The following CAMTA1 variants were observed in gnomAD, a reference collection of about 807,000 sequenced individuals.
The protein encoded by CAMTA1 is calmodulin binding transcription activator 1.
CAMTA1 carries 27 observed loss-of-function variants against 170.9 expected under a neutral mutation model. That is an observed-to-expected ratio of 0.16 (90% confidence interval 0.12 to 0.22). The LOEUF (loss-of-function observed/expected upper bound fraction) is 0.22. Ranked by LOEUF, CAMTA1 falls within the 10% of genes least tolerant of loss-of-function variation. The pLI, the probability that CAMTA1 is intolerant of heterozygous loss-of-function variation, is 1.00. For missense variants in CAMTA1, 1,619 were observed against 2,217.2 expected, an observed-to-expected ratio of 0.73 and a Z score of 5.42; for synonymous variants, 833 against 891.5, an observed-to-expected ratio of 0.93 and a Z score of 1.17.
intron 4 of CAMTA1, among the ~76,000 whole-genome samples, chr1:7,134,152 T>G (rs1257648268): frequency 6.6e-6 from 1 of 152,232 alleles, no homozygotes; most frequent in African/African-American, 2.4e-5. Context: ...CATATGGGAT[T>G]TGGTTTTCTG....
intron 3 of CAMTA1, among the ~76,000 whole-genome samples, chr1:6,857,877 C>T (rs565572497): frequency 1.4e-4 from 21 of 152,128 alleles, no homozygotes; most frequent in South Asian, 8.3e-4. Context: ...TGAGGTGGGA[C>T]GGCCAGAAGG....
chr1:7,701,681 A>G (rs2096441706), intron 11 of CAMTA1, among the ~76,000 whole-genome samples: 1 of 152,068 alleles, frequency 6.6e-6, no homozygotes. Flanking sequence ...CAGCCTCCTA[A>G]AAGTACTGGG....
intron 6 of CAMTA1, among the ~76,000 whole-genome samples, chr1:7,472,436 T>G (rs2149571436): frequency 6.6e-6 from 1 of 152,186 alleles, no homozygotes; most frequent in Non-Finnish European, 1.5e-5. Context: ...GGCTGGGCAG[T>G]GAGCCTCCAC....
chr1:7,495,158 A>G (rs1280404198), intron 6 of CAMTA1, among the ~76,000 whole-genome samples: 1 of 152,232 alleles, frequency 6.6e-6, no homozygotes, highest in African/African-American at 2.4e-5. Flanking sequence ...TAAATAATTA[A>G]GAAACCTAAT....
At chr1:6,827,936 CCACTGAAGGGGCTCA>C (rs1001505208) in intron 3 of CAMTA1, among the ~76,000 whole-genome samples, 3 of 152,130 alleles carry the variant, frequency 2.0e-5, no homozygotes, top group Non-Finnish European at 4.4e-5. Context: ...TTCTTAGATC[CCACTGAAGGGGCTCA>C]CACTGGAAGA....
intron 11 of CAMTA1, among the ~76,000 whole-genome samples, chr1:7,710,632 G>A (rs992426148): frequency 2.4e-4 from 35 of 146,148 alleles, no homozygotes; most frequent in African/African-American, 8.8e-4. Context: ...AGAATTTATT[G>A]ACTCTTAGGA....
chr1:7,516,247 A>G (rs1479893958), intron 6 of CAMTA1, among the ~76,000 whole-genome samples: 1 of 152,282 alleles, frequency 6.6e-6, no homozygotes, highest in Non-Finnish European at 1.5e-5. Context: ...ATGTGTCCAC[A>G]GCTAATTATT....
intron 4 of CAMTA1, among the ~76,000 whole-genome samples, chr1:7,132,109 T>G (rs936141263): frequency 1.3e-5 from 2 of 152,116 alleles, no homozygotes; most frequent in African/African-American, 4.8e-5. Flanking sequence ...TTCACAATTA[T>G]TTTGGCTTTT....
rs1406292124 is a variant in CAMTA1 at position 6,860,195 on chromosome 1, C to A, written c.234+34985C>A. 6.6e-5 allele frequency among the ~76,000 whole-genome samples: 10 copies of A among 152,300 alleles called. 1 individual carries two copies. The East Asian group carries it at 1.2e-3, about 18-fold the overall frequency. On this transcript the variant is annotated intron_variant, in intron 3 of 22. Coordinates refer to ENST00000303635, the MANE Select transcript of CAMTA1 (RefSeq NM_015215.4). ...CCTCATGCCAATCCTATGAGTCATG[C>A]TCCCAAACTCTGAATCTTTTTGGCC...
chr1:7,023,049 G>A (rs997072062), intron 3 of CAMTA1, among the ~76,000 whole-genome samples: 1 of 152,168 alleles, frequency 6.6e-6, no homozygotes, highest in Non-Finnish European at 1.5e-5. Context: ...GGAACAAGAA[G>A]GGACTGTCTT....
intron 3 of CAMTA1, among the ~76,000 whole-genome samples, chr1:6,905,173 C>A (rs1678125362): frequency 6.7e-6 from 1 of 149,142 alleles, no homozygotes; most frequent in African/African-American, 2.5e-5. Context: ...ATTCCTGGGT[C>A]TCCTTGCCTT....
At chr1:7,196,790 G>A (rs1655604650) in intron 4 of CAMTA1, among the ~76,000 whole-genome samples, 1 of 152,300 alleles carries the variant, frequency 6.6e-6, no homozygotes, top group East Asian at 1.9e-4. Flanking sequence ...GAAGTCCATA[G>A]CATGTCATTA....
intron 7 of CAMTA1, among the ~76,000 whole-genome samples, chr1:7,657,711 T>C (rs1312057296): frequency 6.6e-6 from 1 of 152,176 alleles, no homozygotes; most frequent in Non-Finnish European, 1.5e-5. Context: ...TTGATACTAT[T>C]TGATATTCAG....
intron 6 of CAMTA1, among the ~76,000 whole-genome samples, chr1:7,552,730 C>T (rs1331153847): frequency 1.3e-5 from 2 of 152,226 alleles, no homozygotes; most frequent in African/African-American, 2.4e-5. Context: ...CGCCCAGTTC[C>T]GCAATGGTGC....
At chr1:6,791,136 G>A (rs180744328) in intron 1 of CAMTA1, among the ~76,000 whole-genome samples, 1 of 114,670 alleles carries the variant, frequency 8.7e-6, no homozygotes, top group Non-Finnish European at 1.8e-5. Flanking sequence ...TTTTTTAAAT[G>A]TTCTAGGTGA....
chr1:7,282,183 G>A (rs1671615361), intron 5 of CAMTA1, among the ~76,000 whole-genome samples: 1 of 152,158 alleles, frequency 6.6e-6, no homozygotes, highest in African/African-American at 2.4e-5. Context: ...GTACACTAGA[G>A]AGGAACTCCA....
chr1:7,329,138 A>T (rs1446499752), intron 5 of CAMTA1, among the ~76,000 whole-genome samples: 2 of 152,102 alleles, frequency 1.3e-5, no homozygotes, highest in Non-Finnish European at 2.9e-5. Flanking sequence ...TCTTCACTTT[A>T]CTGTAGGTCA....
intron 5 of CAMTA1, among the ~76,000 whole-genome samples, chr1:7,259,904 CACTGCTA>C (rs1183942468): frequency 6.6e-6 from 1 of 152,216 alleles, no homozygotes; most frequent in Non-Finnish European, 1.5e-5. Flanking sequence ...CCTGTCTGTT[CACTGCTA>C]TAGCCCAGTG....
intron 3 of CAMTA1, among the ~76,000 whole-genome samples, chr1:7,077,039 T>C (rs1639386048): frequency 6.6e-6 from 1 of 152,182 alleles, no homozygotes; most frequent in South Asian, 2.1e-4. Flanking sequence ...CCAAACACCT[T>C]TCATCTATTA....
Sources: allele counts gnomAD v4.1 joint callset (sites outside exome capture counted in the v4.1 genomes callset), GRCh38; gene constraint gnomAD v4.1.1; transcripts MANE v1.5; gene names NCBI Gene and HGNC (gene_info 2026-07-23, HGNC 2026-07-21).